The following SLC13A1 variants were observed in gnomAD, a reference collection of about 807,000 sequenced individuals.
The protein encoded by SLC13A1 is Na(+)/sulfate cotransporter.
A neutral mutation model predicts 70.0 loss-of-function variants in SLC13A1; 65 were observed. The observed-to-expected ratio is 0.93, with a 90% CI of 0.76 to 1.14. The LOEUF is 1.14. SLC13A1 is among the 50% of genes most tolerant of loss of function. The probability of loss-of-function intolerance (pLI) is 0.00; values close to 1 mark genes in which losing one functional copy is unlikely to be tolerated. For missense variants in SLC13A1, 726 were observed against 717.8 expected, an observed-to-expected ratio of 1.01 and a Z score of -0.13; for synonymous variants, 275 against 250.5, an observed-to-expected ratio of 1.10 and a Z score of -0.92.
At chr7:123,170,338 A>G (rs1245196259) in intron 3 of SLC13A1, among the ~76,000 whole-genome samples, 1 of 152,236 alleles carries the variant, frequency 6.6e-6, no homozygotes, top group Non-Finnish European at 1.5e-5. Flanking sequence ...TTCTAAAAAA[A>G]AGAAAATTAA....
chr7:123,129,544 G>C, intron 8 of SLC13A1, 63 bp from the exon 9 acceptor site: 3 of 1,273,532 alleles, frequency 2.4e-6, no homozygotes, highest in Non-Finnish European at 3.4e-6. Context: ...CTGTAAGGAA[G>C]ATATTTTTGT....
chr7:123,157,895 C>T (rs1021091654), intron 6 of SLC13A1, among the ~76,000 whole-genome samples: 1 of 152,000 alleles, frequency 6.6e-6, no homozygotes, highest in Non-Finnish European at 1.5e-5. Context: ...AGCTGGTATC[C>T]TTTGCAGAAG....
At chr7:123,191,404 T>G (rs1795993142) in intron 1 of SLC13A1, among the ~76,000 whole-genome samples, 1 of 152,154 alleles carries the variant, frequency 6.6e-6, no homozygotes, top group South Asian at 2.1e-4. Flanking sequence ...TGGGAGTGCT[T>G]TCAACCACAG....
chr7:123,179,677 G>A (rs1162451506), intron 2 of SLC13A1, among the ~76,000 whole-genome samples: 1 of 151,974 alleles, frequency 6.6e-6, no homozygotes, highest in Non-Finnish European at 1.5e-5. Context: ...ATGTTTCTAT[G>A]TCCCTTCCCA....
chr7:123,132,632 A>G (rs1238614771), intron 8 of SLC13A1, among the ~76,000 whole-genome samples: 2 of 152,122 alleles, frequency 1.3e-5, no homozygotes, highest in Non-Finnish European at 2.9e-5. Flanking sequence ...TGGCCTCCCA[A>G]AGCATTTCAC....
In SLC13A1 at chr7:123,128,854, A is replaced by C; in HGVS notation, c.1124T>G (p.Leu375Arg). 2 of 1,611,974 alleles carry C rather than the reference A, an allele frequency of 1.2e-6. No homozygotes were observed. Among genetic ancestry groups the C allele is most frequent in the Non-Finnish European group, 1.7e-6 (2 of 1,178,380 alleles). Residue 375 changes from leucine (L) to arginine (R), a missense_variant, in exon 10 of 15, where the codon CTT becomes CGT. Leu to Arg is a moderately radical substitution (Grantham distance 102). Transcript: ENST00000194130. Reference protein sequence around the residue: ...DPGFVPGWSALFSEYPGFATD... With the variant: ...DPGFVPGWSARFSEYPGFATD... ...AACGTGCAAAGCTTACTCTGAAAAA[A>C]GTGCAGACCAACCAGGAACAAATCC...
chr7:123,180,871 C>A (rs1276273907), intron 2 of SLC13A1, 102 bp downstream of exon 2: 65 of 1,286,982 alleles, frequency 5.1e-5, no homozygotes, highest in Non-Finnish European at 6.1e-5. Context: ...TTATGTGGAA[C>A]CTTACCAACG....
intron 12 of SLC13A1, 45 bp downstream of exon 12, chr7:123,123,081 G>T (rs1793440327): frequency 2.2e-6 from 3 of 1,364,704 alleles, no homozygotes; most frequent in African/African-American, 1.4e-5. Flanking sequence ...CTCTTCTTTT[G>T]AACAGTCTGG....
rs549363941 is a variant in SLC13A1, at chr7:123,187,248, C to T, written c.100-6147G>A. Among the ~76,000 whole-genome samples the T allele has an allele frequency of 2.8e-3, 433 of 152,188 alleles. 3 individuals carry two copies. Among genetic ancestry groups the T allele is most frequent in the African/African-American group, 9.5e-3 (393 of 41,542 alleles). ...CTCCGTCTTTCCTATTATAAGATTT[C>T]CTCACACTACCAGAGACATGAAGTT... On this transcript the variant is annotated intron_variant, in intron 1 of 14. Coordinates refer to ENST00000194130, the MANE Select transcript of SLC13A1 (RefSeq NM_022444.4).
chr7:123,117,301 T>C (rs550651319), intron 14 of SLC13A1, among the ~76,000 whole-genome samples, 170 bp downstream of exon 14: 1 of 152,252 alleles, frequency 6.6e-6, no homozygotes, highest in East Asian at 1.9e-4. Flanking sequence ...CTTCTGATAA[T>C]CACTCTTAAA....
intron 1 of SLC13A1, among the ~76,000 whole-genome samples, chr7:123,193,745 T>TTGAC (rs1401990975): frequency 6.6e-6 from 1 of 152,172 alleles, no homozygotes; most frequent in Non-Finnish European, 1.5e-5. Flanking sequence ...TGGGATGATA[T>TTGAC]TGACTATTTC....
At chr7:123,141,958 TGC>T (rs934678306) in intron 7 of SLC13A1, among the ~76,000 whole-genome samples, 1 of 152,162 alleles carries the variant, frequency 6.6e-6, no homozygotes, top group African/African-American at 2.4e-5. Context: ...GACTTACTCT[TGC>T]CATTTTGTTA....
intron 7 of SLC13A1, among the ~76,000 whole-genome samples, chr7:123,145,996 C>T (rs1794335366): frequency 6.6e-6 from 1 of 152,124 alleles, no homozygotes; most frequent in South Asian, 2.1e-4. Flanking sequence ...TAGGCTTTCT[C>T]AATTGTGTCT....
intron 2 of SLC13A1, among the ~76,000 whole-genome samples, chr7:123,172,808 G>A (rs181007675): frequency 2.0e-5 from 3 of 151,768 alleles, no homozygotes; most frequent in Admixed American, 1.3e-4. Context: ...TTTTAAAAGG[G>A]TTGTGTAATT....
intron 7 of SLC13A1, among the ~76,000 whole-genome samples, chr7:123,142,268 T>G (rs1794181275): frequency 6.6e-6 from 1 of 152,078 alleles, no homozygotes; most frequent in African/African-American, 2.4e-5. Context: ...TGATGTTCCC[T>G]TAAGGTCCGA....
chr7:123,155,219 T>A (rs984334470), intron 6 of SLC13A1, among the ~76,000 whole-genome samples: 1 of 151,976 alleles, frequency 6.6e-6, no homozygotes, highest in Non-Finnish European at 1.5e-5. Flanking sequence ...ATTTTTAATA[T>A]ACTCTTCTCT....
intron 6 of SLC13A1, among the ~76,000 whole-genome samples, chr7:123,162,623 G>A (rs1409426094): frequency 6.6e-6 from 1 of 151,996 alleles, no homozygotes; most frequent in Non-Finnish European, 1.5e-5. Context: ...TTTGTTACGT[G>A]ATCTAAGCTA....
intron 6 of SLC13A1, among the ~76,000 whole-genome samples, chr7:123,163,776 T>C (rs776239769): frequency 2.0e-5 from 3 of 152,094 alleles, no homozygotes; most frequent in Non-Finnish European, 4.4e-5. Flanking sequence ...AATGGTTCTG[T>C]TGTCCATAGT....
chr7:123,120,404 C>T (rs1265964083), intron 12 of SLC13A1, among the ~76,000 whole-genome samples: 1 of 152,032 alleles, frequency 6.6e-6, no homozygotes, highest in Non-Finnish European at 1.5e-5. Context: ...TACTCCATTT[C>T]CTGTGGTTTC....
Sources: allele counts gnomAD v4.1 joint callset (sites outside exome capture counted in the v4.1 genomes callset), GRCh38; gene constraint gnomAD v4.1.1; transcripts MANE v1.5; gene names NCBI Gene and HGNC (gene_info 2026-07-23, HGNC 2026-07-21).